XYLT1: variants seen among roughly 807,000 people sequenced by gnomAD.
The protein encoded by XYLT1 is xylosyltransferase 1, also known as beta-D-xylosyltransferase 1.
A neutral mutation model predicts 91.3 loss-of-function variants in XYLT1; 36 were observed. That is an observed-to-expected ratio of 0.39 (90% CI 0.30 to 0.52). The LOEUF is 0.52. Among genes scored for constraint, XYLT1 ranks in the 20% least tolerant of loss-of-function variants. The pLI is 0.68. For synonymous variants in XYLT1, 588 were observed against 532.0 expected, an observed-to-expected ratio of 1.11 and a Z score of -1.45; for missense variants, 1,242 against 1,284.5, an observed-to-expected ratio of 0.97 and a Z score of 0.51.
At chr16:17,209,144 C>A (rs2032712408) in intron 3 of XYLT1, among the ~76,000 whole-genome samples, 1 of 152,194 alleles carries the variant, frequency 6.6e-6, no homozygotes, top group South Asian at 2.1e-4. Flanking sequence ...ACTTTCTATC[C>A]ATTGAACAAT....
chr16:17,430,091 C>T (rs369634643), intron 1 of XYLT1, among the ~76,000 whole-genome samples: 43 of 152,038 alleles, frequency 2.8e-4, no homozygotes, highest in African/African-American at 9.6e-4. Context: ...TGCCCACCAC[C>T]GCGCTCAGCT....
At chr16:17,309,279 C>G (rs1213363111) in intron 2 of XYLT1, among the ~76,000 whole-genome samples, 1 of 152,154 alleles carries the variant, frequency 6.6e-6, no homozygotes, top group Admixed American at 6.5e-5. Flanking sequence ...GTTGTAACAA[C>G]TAAAAAAATG....
chr16:17,118,058 T>C (rs2029909263), intron 10 of XYLT1, 79 bp from the exon 11 acceptor site: 1 of 1,442,792 alleles, frequency 6.9e-7, no homozygotes, highest in African/African-American at 1.4e-5. Context: ...GGATCCCCTT[T>C]GTTAGCTTTC....
chr16:17,294,836 C>T (rs1169865846), intron 2 of XYLT1, among the ~76,000 whole-genome samples: 1 of 152,158 alleles, frequency 6.6e-6, no homozygotes, highest in Non-Finnish European at 1.5e-5. Flanking sequence ...GGTGTCCAGA[C>T]AGTGCATGGT....
intron 1 of XYLT1, among the ~76,000 whole-genome samples, chr16:17,364,112 T>C (rs2035416920): frequency 1.3e-5 from 2 of 152,098 alleles, no homozygotes; most frequent in Admixed American, 1.3e-4. Flanking sequence ...GGTTTCAACA[T>C]ATGAAATTAG....
chr16:17,190,001 G>A (rs1307522951), intron 5 of XYLT1, among the ~76,000 whole-genome samples: 7 of 152,172 alleles, frequency 4.6e-5, no homozygotes, highest in African/African-American at 7.2e-5. Flanking sequence ...AGCCAAGATC[G>A]TGCCATTGCA....
chr16:17,211,020 A>G (rs2032746435), intron 3 of XYLT1, among the ~76,000 whole-genome samples: 1 of 152,166 alleles, frequency 6.6e-6, no homozygotes, highest in Non-Finnish European at 1.5e-5. Flanking sequence ...CTGTCTCCTC[A>G]TGGCAAGTGA....
intron 3 of XYLT1, among the ~76,000 whole-genome samples, chr16:17,204,345 C>CA (rs2032600498): frequency 6.6e-6 from 1 of 152,130 alleles, no homozygotes; most frequent in Admixed American, 6.5e-5. Flanking sequence ...AAAGACAAAT[C>CA]ACTCCAGCAA....
intron 5 of XYLT1, among the ~76,000 whole-genome samples, chr16:17,179,568 ACTGT>A (rs1238932966): frequency 1.3e-5 from 2 of 152,218 alleles, no homozygotes; most frequent in Admixed American, 1.3e-4. Flanking sequence ...TCACTTATCT[ACTGT>A]CTCTTTCTCT....
At chr16:17,464,177 A>G (rs62030329) in intron 1 of XYLT1, among the ~76,000 whole-genome samples, 24,822 of 151,802 alleles carry the variant, frequency 0.16, 2,491 homozygotes, top group Non-Finnish European at 0.22. Context: ...ATTAACAATA[A>G]TCTATTGTAT....
At chr16:17,232,891 C>T (rs1032483797) in intron 3 of XYLT1, among the ~76,000 whole-genome samples, 26 of 152,038 alleles carry the variant, frequency 1.7e-4, no homozygotes, top group Admixed American at 5.9e-4. Context: ...ATTATATACT[C>T]GCCTACTTAT....
chr16:17,198,041 C>T, intron 5 of XYLT1, 171 bp downstream of exon 5: 2 of 695,896 alleles, frequency 2.9e-6, no homozygotes, highest in South Asian at 3.7e-5. Flanking sequence ...CTGTTGAATG[C>T]ATGAATGAAT....
chr16:17,422,172 C>G (rs769481122), intron 1 of XYLT1, among the ~76,000 whole-genome samples: 5 of 151,770 alleles, frequency 3.3e-5, no homozygotes, highest in Non-Finnish European at 7.4e-5. Context: ...TTAGTAGAGA[C>G]GGGGTTTCAC....
At chr16:17,276,122 C>T (rs72779623) in intron 2 of XYLT1, among the ~76,000 whole-genome samples, 19,977 of 152,154 alleles carry the variant, frequency 0.13, 1,483 homozygotes, top group African/African-American at 0.19. Context: ...TGAGCTTCCC[C>T]AGAAGCTGCT....
intron 1 of XYLT1, among the ~76,000 whole-genome samples, chr16:17,453,266 C>T (rs2036691566): frequency 6.6e-6 from 1 of 152,194 alleles, no homozygotes; most frequent in Admixed American, 6.5e-5. Flanking sequence ...GTTCATCGCA[C>T]CAGGCAGAAT....
chr16:17,302,660 C>T (rs1394246486), intron 2 of XYLT1, among the ~76,000 whole-genome samples: 6 of 152,206 alleles, frequency 3.9e-5, no homozygotes, highest in African/African-American at 1.4e-4. Flanking sequence ...GTTGTGTTTC[C>T]TTTCTTTGTC....
intron 2 of XYLT1, among the ~76,000 whole-genome samples, chr16:17,293,483 TCTCC>T (rs768552119): frequency 1.4e-5 from 2 of 147,770 alleles, no homozygotes; most frequent in Non-Finnish European, 3.0e-5. Context: ...ATAAAGATTT[TCTCC>T]CTCCTTTTTT....
chr16:17,455,458 T>C (rs2036727953), intron 1 of XYLT1, among the ~76,000 whole-genome samples: 1 of 152,058 alleles, frequency 6.6e-6, no homozygotes, highest in Non-Finnish European at 1.5e-5. Flanking sequence ...TTAAGAATAT[T>C]TAATAATAAT....
chr16:17,223,049 AAAG>A (rs1373458026), intron 3 of XYLT1, among the ~76,000 whole-genome samples: 1 of 151,986 alleles, frequency 6.6e-6, no homozygotes, highest in African/African-American at 2.4e-5. Flanking sequence ...AAAAAAAAAA[AAAG>A]AAAGGCTGAC....
Sources: allele counts gnomAD v4.1 joint callset (sites outside exome capture counted in the v4.1 genomes callset), GRCh38; gene constraint gnomAD v4.1.1; transcripts MANE v1.5; gene names NCBI Gene and HGNC (gene_info 2026-07-23, HGNC 2026-07-21).